PTPRN2: variants seen among roughly 807,000 people sequenced by gnomAD.
The protein encoded by PTPRN2 is protein tyrosine phosphatase receptor type N2.
In PTPRN2, 74 loss-of-function variants were observed where a neutral mutation model predicts 118.8. The observed-to-expected ratio is 0.62, with a 90% confidence interval of 0.52 to 0.76. The LOEUF is 0.76. Ranked by LOEUF, PTPRN2 falls within the 30% of genes least tolerant of loss-of-function variation. PTPRN2 has a pLI of 0.00. For missense variants in PTPRN2, 1,481 were observed against 1,394.4 expected (o/e 1.06, Z -0.99); for synonymous variants, 641 against 608.0 (o/e 1.05, Z -0.80).
intron 3 of PTPRN2, among the ~76,000 whole-genome samples, chr7:158,276,467 G>C (rs1195795736): frequency 7.1e-6 from 1 of 141,332 alleles, no homozygotes; most frequent in Non-Finnish European, 1.5e-5. Flanking sequence ...AGGCTGTAAT[G>C]TATCACCCCC....
At chr7:157,626,286 A>G (rs1803564818) in intron 14 of PTPRN2, among the ~76,000 whole-genome samples, 1 of 152,190 alleles carries the variant, frequency 6.6e-6, no homozygotes, top group African/African-American at 2.4e-5. Context: ...TATTTAAAAA[A>G]ATTACCAAGG....
intron 3 of PTPRN2, among the ~76,000 whole-genome samples, chr7:158,228,452 A>C (rs961265505): frequency 6.6e-6 from 1 of 152,134 alleles, no homozygotes; most frequent in Non-Finnish European, 1.5e-5. Context: ...GATACATTTC[A>C]TATTCCACTA....
intron 2 of PTPRN2, among the ~76,000 whole-genome samples, chr7:158,385,146 C>A (rs1303291210): frequency 2.0e-5 from 3 of 152,224 alleles, no homozygotes; most frequent in Non-Finnish European, 4.4e-5. Context: ...CATTTGTCCT[C>A]TTCTGATAAC....
intron 12 of PTPRN2, among the ~76,000 whole-genome samples, chr7:157,697,799 CAT>C (rs1376492341): frequency 7.2e-6 from 1 of 139,444 alleles, no homozygotes; most frequent in Non-Finnish European, 1.6e-5. Flanking sequence ...TCTACCCATG[CAT>C]ACTGGGTCTT....
chr7:158,281,550 G>C (rs1475099915), intron 3 of PTPRN2, among the ~76,000 whole-genome samples: 1 of 152,230 alleles, frequency 6.6e-6, no homozygotes, highest in Non-Finnish European at 1.5e-5. Context: ...GACTGGCTAA[G>C]AGCACAGAGG....
intron 3 of PTPRN2, among the ~76,000 whole-genome samples, chr7:158,212,063 C>A (rs1827639253): frequency 6.6e-6 from 1 of 152,178 alleles, no homozygotes; most frequent in Admixed American, 6.5e-5. Context: ...TCATTTGCAA[C>A]AACATGGATG....
intron 12 of PTPRN2, among the ~76,000 whole-genome samples, chr7:157,837,772 T>G (rs1397781495): frequency 6.6e-6 from 1 of 152,212 alleles, no homozygotes; most frequent in East Asian, 1.9e-4. Context: ...GACCCTTCCT[T>G]GTTGCCGCCA....
intron 2 of PTPRN2, among the ~76,000 whole-genome samples, chr7:158,336,130 G>C (rs376780658): frequency 2.1e-3 from 20 of 9,386 alleles, no homozygotes; most frequent in South Asian, 4.5e-3. Context: ...GAGGTGACAC[G>C]TGCAGACGTC....
At chr7:158,441,390 G>C (rs1323313111) in intron 2 of PTPRN2, among the ~76,000 whole-genome samples, 2 of 149,644 alleles carry the variant, frequency 1.3e-5, no homozygotes, top group African/African-American at 5.0e-5. Flanking sequence ...TGGTGGTGGT[G>C]ATAATGATGG....
At chr7:157,741,956 C>A (rs1800656824) in intron 12 of PTPRN2, among the ~76,000 whole-genome samples, 1 of 152,212 alleles carries the variant, frequency 6.6e-6, no homozygotes, top group South Asian at 2.1e-4. Context: ...AACGACGAAC[C>A]AATAAATGAA....
intron 11 of PTPRN2, among the ~76,000 whole-genome samples, chr7:158,071,297 C>T (rs866845355): frequency 3.3e-5 from 2 of 60,618 alleles, no homozygotes; most frequent in Non-Finnish European, 6.0e-5. Flanking sequence ...TGGAGGTGCT[C>T]GTGGTGGAGG....
chr7:157,973,862 G>T (rs894562690), intron 11 of PTPRN2, among the ~76,000 whole-genome samples: 7 of 152,208 alleles, frequency 4.6e-5, no homozygotes, highest in African/African-American at 7.2e-5. Flanking sequence ...TTCCGTTAGG[G>T]TGGACTGGAA....
In PTPRN2 at chr7:157,962,935, T is replaced by C. The variant is rs79242335; in HGVS notation, c.1724-64198A>G. Among the ~76,000 whole-genome samples the C allele has an allele frequency of 0.011, 1,629 of 152,352 alleles. 164 individuals are homozygous for C. In the East Asian group the frequency reaches 0.25, roughly 23 times the overall value. On this transcript the variant is annotated intron_variant, in intron 11 of 22. Coordinates refer to ENST00000389418, the MANE Select transcript of PTPRN2 (RefSeq NM_002847.5). ...TTGAGCCCTGAAATGGTGAGGAACA[T>C]GCCCTTAGCCATGGGATGCTGGCAG...
chr7:157,696,330 A>G (rs6973625), intron 12 of PTPRN2, among the ~76,000 whole-genome samples: 176 of 97,918 alleles, frequency 1.8e-3, no homozygotes, highest in Admixed American at 5.6e-3. Context: ...ACTGGGTCTT[A>G]GTAGAGCCCT....
intron 2 of PTPRN2, among the ~76,000 whole-genome samples, chr7:158,321,450 TG>T: frequency 6.6e-6 from 1 of 152,152 alleles, no homozygotes; most frequent in Admixed American, 6.5e-5. Flanking sequence ...CCTGTCGACA[TG>T]ACCCTATCGT....
intron 2 of PTPRN2, among the ~76,000 whole-genome samples, chr7:158,466,634 G>GTGCAGACA (rs1819407196): frequency 1.3e-5 from 2 of 152,196 alleles, no homozygotes; most frequent in African/African-American, 4.8e-5. Flanking sequence ...GAGCATCAGG[G>GTGCAGACA]TGCAGACACC....
At chr7:157,866,053 C>T (rs1311073989) in intron 12 of PTPRN2, 2 of 152,254 alleles carry the variant, frequency 1.3e-5, no homozygotes, top group African/African-American at 4.8e-5. Context: ...AGGACCTTTC[C>T]CTTTTGTGCA....
At chr7:158,064,602 C>T (rs1258203034) in intron 11 of PTPRN2, among the ~76,000 whole-genome samples, 6 of 152,186 alleles carry the variant, frequency 3.9e-5, no homozygotes, top group African/African-American at 1.2e-4. Flanking sequence ...GTCTGAGGGA[C>T]GCCAAGGACT....
chr7:158,537,339 C>G (rs1825707077), intron 1 of PTPRN2, among the ~76,000 whole-genome samples: 1 of 152,192 alleles, frequency 6.6e-6, no homozygotes, highest in South Asian at 2.1e-4. Flanking sequence ...GGAAGAGGCT[C>G]TCTAGTTCAG....
Sources: allele counts gnomAD v4.1 joint callset (sites outside exome capture counted in the v4.1 genomes callset), GRCh38; gene constraint gnomAD v4.1.1; transcripts MANE v1.5; gene names NCBI Gene and HGNC (gene_info 2026-07-23, HGNC 2026-07-21).